The following CYRIB variants were observed in gnomAD, a reference collection of about 807,000 sequenced individuals.
CYRIB encodes the protein CYFIP-related Rac1 interactor B.
A neutral mutation model predicts 44.2 loss-of-function variants in CYRIB; 8 were observed. The observed-to-expected ratio is 0.18, with a 90% CI of 0.11 to 0.33. The LOEUF (loss-of-function observed/expected upper bound fraction) is 0.33. Among genes scored for constraint, CYRIB ranks in the 10% least tolerant of loss-of-function variants. The probability of loss-of-function intolerance (pLI) is 1.00; values close to 1 mark genes in which losing one functional copy is unlikely to be tolerated. For missense variants in CYRIB, 185 were observed against 382.8 expected, an observed-to-expected ratio of 0.48 and a Z score of 4.31; for synonymous variants, 131 against 127.2, an observed-to-expected ratio of 1.03 and a Z score of -0.20.
At chr8:129,912,685 G>T (rs958027145) in intron 1 of CYRIB, among the ~76,000 whole-genome samples, 4 of 151,712 alleles carry the variant, frequency 2.6e-5, no homozygotes, top group African/African-American at 9.7e-5. Context: ...TTAGAGACAG[G>T]GTCTTATTAG....
At chr8:130,007,805 A>T (rs1231811241) in intron 1 of CYRIB, among the ~76,000 whole-genome samples, 2 of 151,768 alleles carry the variant, frequency 1.3e-5, no homozygotes, top group Admixed American at 1.3e-4. Flanking sequence ...AACAACAACA[A>T]AGTACAGGAC....
intron 2 of CYRIB, among the ~76,000 whole-genome samples, chr8:129,896,262 A>G (rs2067998043): frequency 6.6e-6 from 1 of 152,246 alleles, no homozygotes; most frequent in Non-Finnish European, 1.5e-5. Context: ...TCCCATAAAA[A>G]GAGTAGGTTT....
At chr8:129,895,288 A>G (rs1045890352) in intron 2 of CYRIB, among the ~76,000 whole-genome samples, 3 of 151,614 alleles carry the variant, frequency 2.0e-5, no homozygotes, top group Non-Finnish European at 4.4e-5. Flanking sequence ...TACAGGCATG[A>G]GCCATCATAC....
At chr8:129,919,013 G>A (rs922099431) in intron 1 of CYRIB, among the ~76,000 whole-genome samples, 1 of 152,158 alleles carries the variant, frequency 6.6e-6, no homozygotes, top group Non-Finnish European at 1.5e-5. Flanking sequence ...CCGTTTTACA[G>A]ATAGTTTTTA....
upstream of CYRIB, among the ~76,000 whole-genome samples, chr8:130,016,862 GT>G (rs1426355998): frequency 2.6e-5 from 4 of 152,054 alleles, no homozygotes; most frequent in Non-Finnish European, 5.9e-5. Context: ...GCGATTGGGG[GT>G]CATCGCCCTC....
chr8:129,977,485 G>A (rs1306703114), intron 1 of CYRIB, among the ~76,000 whole-genome samples: 1 of 151,898 alleles, frequency 6.6e-6, no homozygotes, highest in Non-Finnish European at 1.5e-5. Flanking sequence ...TCACACATGG[G>A]CCAATTCCCA....
intron 1 of CYRIB, among the ~76,000 whole-genome samples, chr8:129,986,166 T>A (rs882447): frequency 0.35 from 52,584 of 152,052 alleles, 9,507 homozygotes; most frequent in African/African-American, 0.44. Context: ...GGCATGAAGA[T>A]GCAAACGAAA....
At chr8:129,972,275 C>T (rs1319681601) in intron 1 of CYRIB, among the ~76,000 whole-genome samples, 5 of 152,132 alleles carry the variant, frequency 3.3e-5, no homozygotes, top group Non-Finnish European at 5.9e-5. Flanking sequence ...TAATAATCAC[C>T]GAACTGCTCA....
At chr8:129,962,364 G>C (rs1397876295) in intron 2 of CYRIB, among the ~76,000 whole-genome samples, 1 of 152,148 alleles carries the variant, frequency 6.6e-6, no homozygotes, top group Non-Finnish European at 1.5e-5. Flanking sequence ...GATTGCTTGA[G>C]CCTGGGAGAC....
At chr8:129,959,170 T>A (rs183735862) in intron 2 of CYRIB, among the ~76,000 whole-genome samples, 1 of 151,728 alleles carries the variant, frequency 6.6e-6, no homozygotes, top group East Asian at 1.9e-4. Flanking sequence ...AGAAAAGTCA[T>A]TCAACAAATC....
intron 2 of CYRIB, among the ~76,000 whole-genome samples, chr8:129,883,340 A>G (rs1280972697): frequency 6.6e-6 from 1 of 151,928 alleles, no homozygotes; most frequent in Admixed American, 6.6e-5. Context: ...ATACCGCCAA[A>G]TATCTCCTGG....
intron 2 of CYRIB, among the ~76,000 whole-genome samples, chr8:129,967,379 GT>G (rs942280306): frequency 6.7e-6 from 1 of 149,344 alleles, no homozygotes; most frequent in Non-Finnish European, 1.5e-5. Flanking sequence ...TTGTTTTTTT[GT>G]TTTTTTGTTT....
At chr8:129,937,174 T>C (rs12334601) in intron 1 of CYRIB, among the ~76,000 whole-genome samples, 2,516 of 152,356 alleles carry the variant, frequency 0.017, 60 homozygotes, top group African/African-American at 0.053. Context: ...GTATCCACTA[T>C]GCACCAGGCA....
intron 5 of CYRIB, among the ~76,000 whole-genome samples, chr8:129,859,578 C>T (rs988503320): frequency 1.3e-5 from 2 of 152,186 alleles, no homozygotes; most frequent in African/African-American, 2.4e-5. Flanking sequence ...TCTTCCCAGA[C>T]GCTGGTGTCA....
chr8:129,894,927 A>T (rs116349587), intron 2 of CYRIB, among the ~76,000 whole-genome samples: 7,782 of 147,710 alleles, frequency 0.053, 369 homozygotes, highest in African/African-American at 0.13. Context: ...ATATATATAT[A>T]TATTTTTTTA....
intron 4 of CYRIB, among the ~76,000 whole-genome samples, chr8:129,869,233 A>C (rs571227944): frequency 1.3e-5 from 2 of 151,686 alleles, no homozygotes; most frequent in African/African-American, 4.8e-5. Context: ...TAAAAATACA[A>C]AAATTAGCTG....
intron 2 of CYRIB, among the ~76,000 whole-genome samples, chr8:129,947,662 G>A (rs991865368): frequency 6.6e-6 from 1 of 152,122 alleles, no homozygotes; most frequent in African/African-American, 2.4e-5. Flanking sequence ...AAATACATAT[G>A]AGCAAATGAA....
intron 2 of CYRIB, chr8:129,949,234 G>A (rs2094365755): frequency 6.6e-6 from 1 of 152,148 alleles, no homozygotes; most frequent in Non-Finnish European, 1.5e-5. Flanking sequence ...GATTTAATGT[G>A]AAATATAATG....
chr8:129,936,059 A>G (rs2092735765), intron 1 of CYRIB, among the ~76,000 whole-genome samples: 1 of 152,252 alleles, frequency 6.6e-6, no homozygotes, highest in Admixed American at 6.5e-5. Flanking sequence ...AGGAGAGTAC[A>G]GAACAAGTGA....
Sources: allele counts gnomAD v4.1 joint callset (sites outside exome capture counted in the v4.1 genomes callset), GRCh38; gene constraint gnomAD v4.1.1; transcripts MANE v1.5; gene names NCBI Gene and HGNC (gene_info 2026-07-23, HGNC 2026-07-21).